PRELID3A: variants seen among roughly 807,000 people sequenced by gnomAD.
The protein encoded by PRELID3A is PRELI domain containing protein 3A.
In PRELID3A, 27 loss-of-function variants were observed where a neutral mutation model predicts 23.0. The ratio of observed to expected loss-of-function variants is 1.17; its 90% CI spans 0.87 to 1.62. The LOEUF (loss-of-function observed/expected upper bound fraction) is 1.62. Among genes scored for constraint, PRELID3A ranks in the 40% most tolerant of loss-of-function variants. The probability of loss-of-function intolerance (pLI) is 0.00; values close to 1 mark genes in which losing one functional copy is unlikely to be tolerated. For synonymous variants in PRELID3A, 87 were observed against 86.4 expected (o/e 1.01, Z -0.04); for missense variants, 231 against 231.4 (o/e 1.00, Z 0.01).
At chr18:12,429,314 C>T (rs3760550) in intron 5 of PRELID3A, 36 bp from the exon 6 acceptor site, 801,057 of 1,598,926 alleles carry the variant, frequency 0.5, 206,026 homozygotes, top group Middle Eastern at 0.63. Context: ...GGAGGCGGGA[C>T]GACCCACTCA....
intron 6 of PRELID3A, among the ~76,000 whole-genome samples, chr18:12,430,706 G>T (rs1385982164): frequency 6.6e-6 from 1 of 150,570 alleles, no homozygotes; most frequent in East Asian, 2.0e-4. Flanking sequence ...GTGTGTGAAT[G>T]TGTGTATAGT....
At chr18:12,410,239 G>A (rs1483212341) in intron 1 of PRELID3A, among the ~76,000 whole-genome samples, 3 of 152,236 alleles carry the variant, frequency 2.0e-5, no homozygotes, top group African/African-American at 4.8e-5. Context: ...GCAGGTGCTC[G>A]GAAGGGGTGA....
rs1320734658 is a variant in PRELID3A at position 12,421,603 on chromosome 18, A to G, written c.265A>G (p.Lys89Glu). 1.9e-6 allele frequency: 3 copies of G among 1,613,324 alleles called. No homozygotes were observed. Among genetic ancestry groups the G allele is most frequent in the Non-Finnish European group, 1.7e-6 (2 of 1,179,336 alleles). The change falls in exon 3 of 7, where the codon AAG becomes GAG. Residue 89 changes from lysine to glutamate, a missense_variant. Coordinates refer to ENST00000440960, the MANE Select transcript of PRELID3A (RefSeq NM_001142405.2). The part of the protein sequence containing the change: ...REHSVVDPVE[K>E]KMELCSTNIT... ...ACATTCTGTGGTGGATCCAGTGGAA[A>G]AGAAAATGGAACTTTGTTCTACCAA...
At chr18:12,409,619 G>A (rs1434762521) in intron 1 of PRELID3A, among the ~76,000 whole-genome samples, 2 of 152,106 alleles carry the variant, frequency 1.3e-5, no homozygotes. Context: ...CAACAAGGAT[G>A]GGGGCATCAC....
intron 1 of PRELID3A, among the ~76,000 whole-genome samples, chr18:12,408,965 A>G (rs1018491819): frequency 1.3e-5 from 2 of 152,172 alleles, no homozygotes; most frequent in Non-Finnish European, 2.9e-5. Flanking sequence ...TAAGTCAGTG[A>G]TCTGTGACAC....
At chr18:12,420,619 G>A in intron 2 of PRELID3A, 126 bp downstream of exon 2, 1 of 1,064,350 alleles carries the variant, frequency 9.4e-7, no homozygotes, top group Non-Finnish European at 1.3e-6. Flanking sequence ...GGGTGGGAGG[G>A]CGGCGGGGGG....
At chr18:12,409,607 A>G (rs900588607) in intron 1 of PRELID3A, among the ~76,000 whole-genome samples, 4 of 152,104 alleles carry the variant, frequency 2.6e-5, no homozygotes, top group African/African-American at 9.7e-5. Context: ...GGTTTCCATC[A>G]GCAACAAGGA....
chr18:12,413,771 A>G (rs2029876560), intron 1 of PRELID3A, among the ~76,000 whole-genome samples: 2 of 152,090 alleles, frequency 1.3e-5, no homozygotes, highest in Non-Finnish European at 2.9e-5. Context: ...TTTAGTAGAG[A>G]CGGGGTTTCG....
At chr18:12,427,186 G>A in intron 4 of PRELID3A, 35 bp from the exon 5 acceptor site, 1 of 1,607,442 alleles carries the variant, frequency 6.2e-7, no homozygotes. Flanking sequence ...CTCTCTCAGG[G>A]CTGGTCAGCC....
Position 12,407,948 on chromosome 18 carries a change from G to C in PRELID3A, c.-28G>C. 5 of 1,291,944 alleles carry C rather than the reference G, an allele frequency of 3.9e-6. No homozygotes were observed. Among genetic ancestry groups the C allele is most frequent in the Non-Finnish European group, 4.9e-6 (5 of 1,022,430 alleles). 80.0% of individuals were successfully genotyped at this position (1,291,944 alleles called of 1,614,324 possible). ...CGGCCCGAAGCACCCGGCCCGGATC[G>C]CAGAGCCCGCGCCCTGCGCCGGCGG... On this transcript the variant is annotated 5_prime_UTR_variant, in exon 1 of 7. Transcript: ENST00000440960.
intron 3 of PRELID3A, among the ~76,000 whole-genome samples, chr18:12,426,057 A>G (rs2030351369): frequency 6.6e-6 from 1 of 151,664 alleles, no homozygotes; most frequent in African/African-American, 2.4e-5. Flanking sequence ...CAACATGCTG[A>G]AACCCTGTCT....
intron 1 of PRELID3A, among the ~76,000 whole-genome samples, chr18:12,415,571 G>A (rs2029921201): frequency 6.6e-6 from 1 of 152,020 alleles, no homozygotes; most frequent in Non-Finnish European, 1.5e-5. Flanking sequence ...ATCTTTTTAA[G>A]ACAGATTTTT....
intron 1 of PRELID3A, among the ~76,000 whole-genome samples, chr18:12,412,104 ATG>A (rs1292730540): frequency 1.3e-5 from 2 of 150,516 alleles, no homozygotes; most frequent in Admixed American, 6.6e-5. Context: ...TTTAGCCAGG[ATG>A]GTCTCCATCT....
chr18:12,427,149 A>C, intron 4 of PRELID3A, 38 bp downstream of exon 4: 1 of 1,601,082 alleles, frequency 6.2e-7, no homozygotes, highest in African/African-American at 1.3e-5. Flanking sequence ...ATTGAATGCC[A>C]CGGGTGAGGG....
intron 5 of PRELID3A, among the ~76,000 whole-genome samples, chr18:12,428,760 T>C (rs2030458766): frequency 6.6e-6 from 1 of 152,230 alleles, no homozygotes; most frequent in Non-Finnish European, 1.5e-5. Context: ...TTTCCAATGC[T>C]TGGCTTAGGG....
intron 1 of PRELID3A, among the ~76,000 whole-genome samples, chr18:12,418,259 G>A (rs1444270535): frequency 1.3e-5 from 2 of 152,086 alleles, no homozygotes; most frequent in East Asian, 1.9e-4. Context: ...ATAATTTATC[G>A]TGTAAAAGTG....
intron 3 of PRELID3A, among the ~76,000 whole-genome samples, chr18:12,425,164 A>G (rs756284500): frequency 1.3e-5 from 2 of 152,156 alleles, no homozygotes; most frequent in African/African-American, 4.8e-5. Context: ...GGATAAAATA[A>G]AATTAAAAAT....
At chr18:12,412,056 G>A (rs1325487162) in intron 1 of PRELID3A, among the ~76,000 whole-genome samples, 2 of 149,764 alleles carry the variant, frequency 1.3e-5, no homozygotes, top group Admixed American at 6.7e-5. Flanking sequence ...AACCACAGGC[G>A]CCCGCCACCA....
intron 5 of PRELID3A, among the ~76,000 whole-genome samples, chr18:12,428,868 G>T (rs538619134): frequency 1.1e-4 from 16 of 152,178 alleles, no homozygotes; most frequent in Non-Finnish European, 1.6e-4. Flanking sequence ...AAAAATTTGG[G>T]GTAAACTCAG....
Sources: gnomAD v4.1 joint callset for allele counts (sites outside exome capture counted in the v4.1 genomes callset) on GRCh38, gnomAD v4.1.1 for gene constraint, MANE v1.5 for transcripts, NCBI Gene and HGNC (gene_info 2026-07-23, HGNC 2026-07-21) for gene names.